The following DNAH17 variants were observed in gnomAD, a reference collection of about 807,000 sequenced individuals.
The protein encoded by DNAH17 is dynein axonemal heavy chain 17.
A neutral mutation model predicts 485.6 loss-of-function variants in DNAH17; 376 were observed. The observed-to-expected ratio is 0.77, with a 90% CI of 0.71 to 0.84. The LOEUF (loss-of-function observed/expected upper bound fraction) is 0.84, where lower values mean the gene tolerates loss of function less well. Ranked by LOEUF, DNAH17 falls within the 40% of genes least tolerant of loss-of-function variation. DNAH17 has a pLI of 0.00. For synonymous variants in DNAH17, 3,031 were observed against 2,405.9 expected, an observed-to-expected ratio of 1.26 and a Z score of -7.60; for missense variants, 6,370 against 5,839.3, an observed-to-expected ratio of 1.09 and a Z score of -2.96.
intron 56 of DNAH17, among the ~76,000 whole-genome samples, chr17:78,466,303 G>GA (rs2088450752): frequency 6.6e-6 from 1 of 152,176 alleles, no homozygotes; most frequent in Admixed American, 6.5e-5. Context: ...CCGAAGGCCG[G>GA]AAGGCCTCAG....
intron 19 of DNAH17, chr17:78,533,036 C>G (rs2091282763): frequency 3.7e-6 from 1 of 272,948 alleles, no homozygotes; most frequent in Non-Finnish European, 7.0e-6. Flanking sequence ...GGACCACAGG[C>G]ACGTGCCACT....
At chr17:78,512,197 G>A (rs138632880) in intron 26 of DNAH17, among the ~76,000 whole-genome samples, 243 of 152,324 alleles carry the variant, frequency 1.6e-3, no homozygotes, top group Middle Eastern at 6.8e-3. Context: ...TTGGGAAGCC[G>A]TGGGCTAAGC....
chr17:78,425,554 C>A lies in DNAH17; in HGVS notation c.12933G>T (p.Thr4311=). The change falls in exon 80 of 81, where the codon ACG becomes ACT. Residue 4311 remains threonine (T), a synonymous_variant. Transcript: ENST00000389840. ...LLRIRELEAW[T]TDFALPTTVW... ...CGGTGGTGGGCAGGGCAAAGTCTGT[C>A]GTCCAGGCCTCGAGTTCCTGCAAGG... 1 of 1,611,220 alleles carries A rather than the reference C, an allele frequency of 6.2e-7. No individual in the cohort carries two copies. Among genetic ancestry groups the A allele is most frequent in the South Asian group, 1.1e-5 (1 of 90,888 alleles).
intron 55 of DNAH17, among the ~76,000 whole-genome samples, chr17:78,467,786 G>C (rs1006914784): frequency 1.3e-5 from 2 of 152,170 alleles, no homozygotes; most frequent in Admixed American, 6.5e-5. Context: ...GGGAGGCCGA[G>C]GCAGGTGTAT....
chr17:78,535,150 G>A (rs1472751078), intron 19 of DNAH17, among the ~76,000 whole-genome samples: 2 of 152,210 alleles, frequency 1.3e-5, no homozygotes, highest in South Asian at 4.1e-4. Context: ...AGAGCCCAGG[G>A]GTGGAGCAGC....
intron 25 of DNAH17, among the ~76,000 whole-genome samples, chr17:78,519,192 A>AAAAAAAAAAAAAAAAT (rs1568188789): frequency 2.7e-5 from 4 of 147,138 alleles, no homozygotes; most frequent in African/African-American, 7.6e-5. Flanking sequence ...AAAAAAAAAA[A>AAAAAAAAAAAAAAAAT]AGAAATGTAA....
At chr17:78,442,917 G>A (rs2087129587) in intron 71 of DNAH17, among the ~76,000 whole-genome samples, 1 of 152,226 alleles carries the variant, frequency 6.6e-6, no homozygotes, top group Admixed American at 6.5e-5. Flanking sequence ...GCCAGTGCTG[G>A]CTTTGTTATT....
intron 11 of DNAH17, 136 bp from the exon 12 acceptor site, chr17:78,562,116 G>A: frequency 5.4e-6 from 6 of 1,101,614 alleles, no homozygotes; most frequent in Non-Finnish European, 7.5e-6. Context: ...ACAATCCACT[G>A]GAACCTTTGT....
intron 26 of DNAH17, 156 bp from the exon 27 acceptor site, chr17:78,510,662 G>C (rs932627306): frequency 4.2e-6 from 4 of 961,774 alleles, no homozygotes; most frequent in Non-Finnish European, 6.1e-6. Flanking sequence ...TCAGCTCTGA[G>C]ACTTGAGGAA....
chr17:78,544,963 C>T (rs996407850), intron 16 of DNAH17, among the ~76,000 whole-genome samples: 1 of 151,864 alleles, frequency 6.6e-6, no homozygotes, highest in Non-Finnish European at 1.5e-5. Context: ...TGTCAAAAAA[C>T]AGTCTTTGGC....
chr17:78,480,838 C>T, intron 48 of DNAH17, 52 bp from the exon 49 acceptor site: 1 of 1,310,500 alleles, frequency 7.6e-7, no homozygotes, highest in Non-Finnish European at 1.1e-6. Context: ...GAGGAACCAT[C>T]CCCTGCCCCC....
At chr17:78,564,943 G>A (rs1057480283) in intron 11 of DNAH17, among the ~76,000 whole-genome samples, 1 of 152,018 alleles carries the variant, frequency 6.6e-6, no homozygotes, top group Non-Finnish European at 1.5e-5. Context: ...TCTGAGAAAG[G>A]GAATGTTGCC....
chr17:78,532,475 C>T lies in DNAH17; in HGVS notation c.3114+7G>A, dbSNP rs368577487. 47 of 1,606,236 alleles carry T rather than the reference C, an allele frequency of 2.9e-5. No individual in the cohort carries two copies. In the African/African-American group the frequency reaches 5.1e-4, roughly 17 times the overall value. On this transcript the variant is annotated splice_region_variant and intron_variant, in intron 20 of 80. Coordinates refer to ENST00000389840, the MANE Select transcript of DNAH17 (RefSeq NM_173628.4). ...CAAGGAGGCTGGTGGGTGAGGTCTG[C>T]ACGCACCTGCTCCTGGAACTGAGCC...
At chr17:78,443,353 C>A (rs2087146463) in intron 71 of DNAH17, among the ~76,000 whole-genome samples, 1 of 152,180 alleles carries the variant, frequency 6.6e-6, no homozygotes, top group South Asian at 2.1e-4. Flanking sequence ...CCGCTTCCTC[C>A]AGCTCTGACC....
rs1437323119 is a variant in DNAH17, at chr17:78,510,464, G to A, written c.4156C>T (p.Leu1386=). 3 of 1,613,742 alleles carry A rather than the reference G, an allele frequency of 1.9e-6. No individual in the cohort carries two copies. The highest frequency in any genetic ancestry group is 2.5e-6 in the Non-Finnish European group (3 of 1,179,828). The change falls in exon 27 of 81, where the codon CTG becomes TTG. Residue 1386 remains leucine, a synonymous_variant. Transcript: ENST00000389840. ...TCGTAACTGTGGAGGTTCAGCTGCA[G>A]TAAATCTGCCAGGGTCGTCTCTTCT... ...MSEETTLADL[L]QLNLHSYEDE...
chr17:78,458,848 C>T, intron 61 of DNAH17, 153 bp downstream of exon 61: 1 of 1,049,044 alleles, frequency 9.5e-7, no homozygotes, highest in East Asian at 2.5e-5. Flanking sequence ...GCTCCCGGCA[C>T]CATCTGGCCC....
At chr17:78,478,753 C>T in intron 51 of DNAH17, 1 of 417,876 alleles carries the variant, frequency 2.4e-6, no homozygotes, top group African/African-American at 2.1e-5. Context: ...CCATCACCAC[C>T]ATCACTATCA....
intron 16 of DNAH17, among the ~76,000 whole-genome samples, chr17:78,549,525 C>T (rs139631964): frequency 1.2e-4 from 18 of 152,356 alleles, no homozygotes; most frequent in African/African-American, 4.3e-4. Context: ...ATCATTCCTT[C>T]CTTGGTGCCC....
intron 75 of DNAH17, among the ~76,000 whole-genome samples, chr17:78,430,509 T>C (rs959911095): frequency 3.3e-5 from 5 of 152,218 alleles, no homozygotes; most frequent in Admixed American, 3.3e-4. Flanking sequence ...TGGGAGTTCA[T>C]TGAATAAGAA....
Sources: allele counts gnomAD v4.1 joint callset (sites outside exome capture counted in the v4.1 genomes callset), GRCh38; gene constraint gnomAD v4.1.1; transcripts MANE v1.5; gene names NCBI Gene and HGNC (gene_info 2026-07-23, HGNC 2026-07-21).